The following RCAN2 variants were observed in gnomAD, a reference collection of about 807,000 sequenced individuals.
RCAN2 encodes the protein regulator of calcineurin 2.
RCAN2 carries 9 observed loss-of-function variants against 23.6 expected under a neutral mutation model. That is an observed-to-expected ratio of 0.38 (90% CI 0.23 to 0.67). RCAN2 has a LOEUF of 0.67. RCAN2 is among the 30% of genes least tolerant of loss of function. RCAN2 has a pLI of 0.51. For missense variants in RCAN2, 273 were observed against 302.3 expected, an observed-to-expected ratio of 0.90 and a Z score of 0.72; for synonymous variants, 109 against 115.7, an observed-to-expected ratio of 0.94 and a Z score of 0.37.
intron 2 of RCAN2, among the ~76,000 whole-genome samples, chr6:46,287,961 G>A (rs181913259): frequency 4.6e-5 from 7 of 152,326 alleles, no homozygotes; most frequent in Admixed American, 1.3e-4. Flanking sequence ...AATACGACCC[G>A]AGGATATTAA....
chr6:46,370,571 A>G (rs1448804089), intron 2 of RCAN2, among the ~76,000 whole-genome samples: 2 of 152,172 alleles, frequency 1.3e-5, no homozygotes, highest in African/African-American at 4.8e-5. Context: ...TAGATATCCA[A>G]GCTCTTACTA....
At chr6:46,242,919 T>A (rs1766356778) in intron 4 of RCAN2, among the ~76,000 whole-genome samples, 1 of 152,240 alleles carries the variant, frequency 6.6e-6, no homozygotes, top group African/African-American at 2.4e-5. Context: ...GCATCCACTA[T>A]GTGCCAGGTA....
chr6:46,397,653 T>G (rs1258815232), intron 2 of RCAN2, among the ~76,000 whole-genome samples: 2 of 152,154 alleles, frequency 1.3e-5, no homozygotes, highest in Non-Finnish European at 2.9e-5. Flanking sequence ...AAAATAATAA[T>G]AGACCCTTTA....
At chr6:46,476,006 C>G (rs1224786340) in intron 1 of RCAN2, among the ~76,000 whole-genome samples, 1 of 152,126 alleles carries the variant, frequency 6.6e-6, no homozygotes, top group Admixed American at 6.5e-5. Context: ...CTAAGTAACA[C>G]TGGTGAAGAA....
intron 2 of RCAN2, among the ~76,000 whole-genome samples, chr6:46,339,190 C>T (rs1345058): frequency 0.42 from 64,002 of 151,644 alleles, 14,941 homozygotes; most frequent in East Asian, 0.6. Context: ...GTCACTATTC[C>T]TTTAAAGAGG....
chr6:46,361,419 C>T (rs1042921935), intron 2 of RCAN2, among the ~76,000 whole-genome samples: 1 of 152,134 alleles, frequency 6.6e-6, no homozygotes, highest in African/African-American at 2.4e-5. Flanking sequence ...CCTCCAACTG[C>T]TTTTTGTTTT....
chr6:46,296,491 G>A (rs1762733893), intron 2 of RCAN2, among the ~76,000 whole-genome samples: 1 of 152,024 alleles, frequency 6.6e-6, no homozygotes, highest in Admixed American at 6.6e-5. Context: ...AGACACTTAT[G>A]TTTCTCTTTT....
chr6:46,367,689 T>C (rs1182000457), intron 2 of RCAN2, among the ~76,000 whole-genome samples: 1 of 152,244 alleles, frequency 6.6e-6, no homozygotes, highest in African/African-American at 2.4e-5. Context: ...TTTTTCTTTC[T>C]GATTTAATTT....
intron 2 of RCAN2, among the ~76,000 whole-genome samples, chr6:46,371,069 T>A (rs551119989): frequency 1.3e-5 from 2 of 152,290 alleles, no homozygotes; most frequent in South Asian, 2.1e-4. Flanking sequence ...AGTATGTATG[T>A]ACATTTTTCG....
chr6:46,267,020 A>G (rs377014613), intron 2 of RCAN2, among the ~76,000 whole-genome samples: 18 of 152,362 alleles, frequency 1.2e-4, no homozygotes, highest in African/African-American at 3.1e-4. Context: ...AAAACAAACA[A>G]ACAAACAAAA....
chr6:46,439,537 C>T (rs1311612190), intron 2 of RCAN2, among the ~76,000 whole-genome samples: 2 of 152,180 alleles, frequency 1.3e-5, no homozygotes, highest in African/African-American at 4.8e-5. Context: ...ACGCTTTGCA[C>T]CACTCAAGAT....
rs1292193908 is a variant in RCAN2, at chr6:46,222,895, G to A, written c.*246C>T. 4 of 471,510 alleles carry A rather than the reference G, an allele frequency of 8.5e-6. No individual in the cohort carries two copies. Among genetic ancestry groups the A allele is most frequent in the African/African-American group, 7.9e-5 (4 of 50,904 alleles). The allele number at this position is 471,510 out of a possible 1,614,324, so 29.2% of individuals were successfully genotyped here. On this transcript the variant is annotated 3_prime_UTR_variant, in exon 5 of 5. Coordinates refer to ENST00000371374, the MANE Select transcript of RCAN2 (RefSeq NM_001251974.2). Reference sequence around the variant, plus strand: ...AACAAAGATATAGGCTGTGCTGATTGTTTAATAAGAAAATACTACTTTTTT... The same window carrying A: ...AACAAAGATATAGGCTGTGCTGATTATTTAATAAGAAAATACTACTTTTTT...
At chr6:46,446,600 T>C (rs921123965) in intron 2 of RCAN2, among the ~76,000 whole-genome samples, 1 of 152,204 alleles carries the variant, frequency 6.6e-6, no homozygotes, top group South Asian at 2.1e-4. Flanking sequence ...CTTATATCTT[T>C]AGTATGAAGT....
intron 2 of RCAN2, among the ~76,000 whole-genome samples, chr6:46,363,745 C>T (rs758577371): frequency 2.2e-4 from 33 of 151,898 alleles, no homozygotes; most frequent in South Asian, 6.2e-4. Context: ...AGAGGTATAA[C>T]TATAAAGTAT....
At chr6:46,264,462 A>G (rs552331312) in intron 2 of RCAN2, among the ~76,000 whole-genome samples, 2 of 152,066 alleles carry the variant, frequency 1.3e-5, no homozygotes, top group Non-Finnish European at 2.9e-5. Context: ...TATACTCCTA[A>G]TCTCTTTTCC....
intron 2 of RCAN2, among the ~76,000 whole-genome samples, chr6:46,299,378 G>T (rs554110119): frequency 1.5e-4 from 23 of 152,124 alleles, no homozygotes; most frequent in African/African-American, 5.5e-4. Flanking sequence ...TCATGACAGA[G>T]AATTTAGTGC....
intron 2 of RCAN2, among the ~76,000 whole-genome samples, chr6:46,447,781 G>C (rs1452624388): frequency 1.3e-5 from 2 of 151,524 alleles, no homozygotes; most frequent in Non-Finnish European, 3.0e-5. Flanking sequence ...AAAATATCTT[G>C]AGACAAATGC....
Position 46,363,953 on chromosome 6 carries a change from T to C in RCAN2, c.225+92799A>G, listed in dbSNP as rs138123755. Among the ~76,000 whole-genome samples, 250 of 152,284 alleles carry C rather than the reference T, an allele frequency of 1.6e-3. No homozygotes were observed. In the Middle Eastern group the frequency reaches 0.017, roughly 10 times the overall value. ...TAAATTTGGTTAATGCATGCAAAAC[T>C]TGCTTCTTCCATAGTAGGGTAGGAA... On this transcript the variant is annotated intron_variant, in intron 2 of 4. Transcript: ENST00000371374.
At chr6:46,249,730 T>G (rs373744533) in intron 2 of RCAN2, among the ~76,000 whole-genome samples, 1 of 152,054 alleles carries the variant, frequency 6.6e-6, no homozygotes, top group African/African-American at 2.4e-5. Context: ...ACGTGTAGAG[T>G]GCAGAAGAAA....
Sources: allele counts gnomAD v4.1 joint callset (sites outside exome capture counted in the v4.1 genomes callset), GRCh38; gene constraint gnomAD v4.1.1; transcripts MANE v1.5; gene names NCBI Gene and HGNC (gene_info 2026-07-23, HGNC 2026-07-21).